Variants in MAOB observed in about 807,000 individuals in gnomAD.
MAOB encodes monoamine oxidase B.
A neutral mutation model predicts 41.9 loss-of-function variants in MAOB; 15 were observed. The observed-to-expected ratio is 0.36, with a 90% confidence interval of 0.24 to 0.55. The LOEUF is 0.55. Among genes scored for constraint, MAOB ranks in the 20% least tolerant of loss-of-function variants. The pLI, the probability that MAOB is intolerant of heterozygous loss-of-function variation, is 0.86. For synonymous variants in MAOB, 167 were observed against 144.2 expected (o/e 1.16, Z -1.13); for missense variants, 345 against 398.7 (o/e 0.87, Z 1.15).
At chrX:43,881,974 C>T (rs1422902623) in intron 1 of MAOB, among the ~76,000 whole-genome samples, 2 of 112,352 alleles carry the variant, frequency 1.8e-5, no homozygotes, top group Non-Finnish European at 3.8e-5. Flanking sequence ...TTCCAGCAAG[C>T]GAAGGCCTAG....
At chrX:43,874,773 G>C (rs957103220) in intron 1 of MAOB, among the ~76,000 whole-genome samples, 1 of 111,591 alleles carries the variant, frequency 9.0e-6, no homozygotes, top group Non-Finnish European at 1.9e-5. Context: ...AACCTGGACT[G>C]TTCTTCAGAA....
chrX:43,849,294 C>T (rs921529264), intron 1 of MAOB, among the ~76,000 whole-genome samples: 1 of 112,195 alleles, frequency 8.9e-6, no homozygotes, highest in Admixed American at 9.5e-5. Context: ...AAAGGTCACA[C>T]AGCTAGCAAG....
intron 3 of MAOB, among the ~76,000 whole-genome samples, chrX:43,810,948 A>G (rs1188434055): frequency 1.8e-5 from 2 of 112,197 alleles, no homozygotes; most frequent in Non-Finnish European, 3.8e-5. Flanking sequence ...CACACTTTTG[A>G]TGAATCTCCT....
At position 43,800,453 on chromosome X, in the gene MAOB, T is replaced by C. The variant is rs1017299721; in HGVS notation, c.476+1719A>G. Among the ~76,000 whole-genome samples the C allele has an allele frequency of 2.7e-5, 3 of 111,590 alleles. No individual in the cohort carries two copies. In the Admixed American group the frequency reaches 2.9e-4, roughly 11 times the overall value. On this transcript the variant is annotated intron_variant, in intron 5 of 14. Coordinates refer to ENST00000378069, the MANE Select transcript of MAOB (RefSeq NM_000898.5). ...AATTATATTGCAAACTACATTCTCA[T>C]AGAGGTGTTAGATAGCATTAGGTAA...
chrX:43,834,604 A>G (rs757323106), intron 3 of MAOB, among the ~76,000 whole-genome samples: 1 of 111,794 alleles, frequency 8.9e-6, no homozygotes, highest in East Asian at 2.8e-4. Flanking sequence ...CATTTTGTGT[A>G]TCATATTTTC....
In MAOB at chrX:43,870,756, C is replaced by T. The variant is rs2035399055; in HGVS notation, c.46+11498G>A. Among the ~76,000 whole-genome samples, 5 of 90,540 alleles carry T rather than the reference C, an allele frequency of 5.5e-5. No individual in the cohort carries two copies. In the Admixed American group the frequency reaches 6.6e-4, roughly 12 times the overall value. The allele number at this position is 90,540 out of a possible 115,157, so 78.6% of individuals were successfully genotyped here. ...CTTGCAGTGAGCCAAGATCTCACCG[C>T]TGCACTCCAACCTGGGCAACTGAGT... On this transcript the variant is annotated intron_variant, in intron 1 of 14. Transcript: ENST00000378069.
intron 3 of MAOB, among the ~76,000 whole-genome samples, chrX:43,813,007 G>A (rs913612096): frequency 8.9e-6 from 1 of 112,220 alleles, no homozygotes. Context: ...CACTTCATAT[G>A]TATTGACTCA....
At chrX:43,815,676 G>A (rs1373928995) in intron 3 of MAOB, among the ~76,000 whole-genome samples, 1 of 112,115 alleles carries the variant, frequency 8.9e-6, no homozygotes, top group African/African-American at 3.2e-5. Context: ...CTTCTGGCCA[G>A]AGTCCAGGAA....
intron 3 of MAOB, among the ~76,000 whole-genome samples, chrX:43,828,800 GTAAA>G (rs1414599228): frequency 8.9e-6 from 1 of 111,941 alleles, no homozygotes; most frequent in African/African-American, 3.2e-5. Flanking sequence ...AGCAAGTTGT[GTAAA>G]TGCCTTGTAC....
At chrX:43,784,441 TCTC>T (rs2034373938) in intron 8 of MAOB, among the ~76,000 whole-genome samples, 1 of 112,437 alleles carries the variant, frequency 8.9e-6, no homozygotes, top group South Asian at 3.7e-4. Flanking sequence ...ACAACAATAA[TCTC>T]CTTGCACATC....
chrX:43,802,201 C>T lies in MAOB; in HGVS notation c.447G>A (p.Lys149=), dbSNP rs1449018220. Residue 149 remains lysine, a synonymous_variant, in exon 5 of 15, where the codon AAG becomes AAA. Transcript: ENST00000378069. ...TCCAGCAGAGCTTGTCCAGTAGCTC[C>T]TTCATTGTCATGTTGTCCCACTCTT... is the stretch of plus-strand genomic sequence containing the variant. ...LAEEWDNMTM[K]ELLDKLCWTE... The T allele has an allele frequency of 8.3e-7, 1 of 1,206,909 alleles. No homozygotes were observed. Among genetic ancestry groups the T allele is most frequent in the African/African-American group, 1.7e-5 (1 of 57,357 alleles).
At chrX:43,811,591 G>A (rs1006634683) in intron 3 of MAOB, among the ~76,000 whole-genome samples, 3 of 112,180 alleles carry the variant, frequency 2.7e-5, no homozygotes, top group Non-Finnish European at 5.6e-5. Context: ...CATCAGGGAG[G>A]AGGGGAGAAG....
chrX:43,800,610 T>C (rs1017499165), intron 5 of MAOB, among the ~76,000 whole-genome samples: 1 of 111,304 alleles, frequency 9.0e-6, no homozygotes, highest in Non-Finnish European at 1.9e-5. Context: ...TAGAGTATTG[T>C]ATAATGATAA....
rs139026835 is a variant in MAOB, at chrX:43,806,085, A to G, written c.280-2681T>C. ...TGCAAAGATAGTACAGAAAGTTCCCATATACCTTTCACCTAGTTTTCTCTA... is the reference window on the plus strand; with the variant it reads ...TGCAAAGATAGTACAGAAAGTTCCCGTATACCTTTCACCTAGTTTTCTCTA... On this transcript the variant is annotated intron_variant, in intron 3 of 14. Coordinates refer to ENST00000378069, the MANE Select transcript of MAOB (RefSeq NM_000898.5). Among the ~76,000 whole-genome samples, 384 of 112,602 alleles carry G rather than the reference A, an allele frequency of 3.4e-3. 1 individual carries two copies. Among genetic ancestry groups the G allele is most frequent in the African/African-American group, 0.012 (357 of 31,020 alleles).
chrX:43,866,456 G>A (rs996051680), intron 1 of MAOB, among the ~76,000 whole-genome samples: 65 of 111,922 alleles, frequency 5.8e-4, no homozygotes, highest in African/African-American at 1.8e-3. Context: ...GAAATAAGCC[G>A]GACACAAAAG....
chrX:43,780,235 G>A, intron 10 of MAOB, 107 bp downstream of exon 10: 1 of 635,901 alleles, frequency 1.6e-6, no homozygotes, highest in South Asian at 3.0e-5. Context: ...AAAAATGAAA[G>A]GCAGGCAAGT....
rs745632907 is a variant in MAOB, at chrX:43,871,612, AC to A, written c.46+10641del. 1.3e-4 allele frequency among the ~76,000 whole-genome samples: 14 copies of A among 103,705 alleles called. No individual in the cohort carries two copies. The South Asian group carries it at 5.8e-3, about 43-fold the overall frequency. 90.1% of individuals were successfully genotyped at this position (103,705 alleles called of 115,157 possible). A position where few individuals can be genotyped will look rare whatever the true frequency, so the allele number is the denominator to read the frequency against. ...CCCCTGAAAGATGGGCACATGTATTACCCATCTGTGTATTCCCACACCTAGC... is the reference window on the plus strand; with the variant it reads ...CCCCTGAAAGATGGGCACATGTATTACCATCTGTGTATTCCCACACCTAGC... On this transcript the variant is annotated intron_variant, in intron 1 of 14. Transcript: ENST00000378069.
intron 8 of MAOB, among the ~76,000 whole-genome samples, chrX:43,792,158 A>G (rs2034471900): frequency 8.9e-6 from 1 of 112,350 alleles, no homozygotes; most frequent in Non-Finnish European, 1.9e-5. Context: ...TGATTTACAA[A>G]GAGTTGGTTA....
chrX:43,814,686 GA>G (rs1258995301), intron 3 of MAOB, among the ~76,000 whole-genome samples: 1 of 111,800 alleles, frequency 8.9e-6, no homozygotes, highest in Non-Finnish European at 1.9e-5. Context: ...ATTGGTGTTT[GA>G]CATGCATGGG....
Sources: gnomAD v4.1 joint callset for allele counts (sites outside exome capture counted in the v4.1 genomes callset) on GRCh38, gnomAD v4.1.1 for gene constraint, MANE v1.5 for transcripts, NCBI Gene and HGNC (gene_info 2026-07-23, HGNC 2026-07-21) for gene names.